PDE3B: variants seen among roughly 807,000 people sequenced by gnomAD.
PDE3B encodes the protein phosphodiesterase 3B, also known as cGMP-inhibited 3',5'-cyclic phosphodiesterase 3B.
A neutral mutation model predicts 116.8 loss-of-function variants in PDE3B; 66 were observed. The ratio of observed to expected loss-of-function variants is 0.56; its 90% CI spans 0.46 to 0.69. The LOEUF is 0.69. Among genes scored for constraint, PDE3B ranks in the 30% least tolerant of loss-of-function variants. The pLI is 0.00. For missense variants in PDE3B, 1,384 were observed against 1,368.1 expected (o/e 1.01, Z -0.18); for synonymous variants, 595 against 533.6 (o/e 1.12, Z -1.59).
chr11:14,733,666 A>T (rs1021657490), intron 1 of PDE3B, among the ~76,000 whole-genome samples: 1 of 152,192 alleles, frequency 6.6e-6, no homozygotes, highest in African/African-American at 2.4e-5. Flanking sequence ...TTTGTACAGG[A>T]TCATTTTGTG....
At chr11:14,792,800 A>C (rs562588861) in intron 4 of PDE3B, among the ~76,000 whole-genome samples, 27 of 152,192 alleles carry the variant, frequency 1.8e-4, no homozygotes, top group Middle Eastern at 3.2e-3. Flanking sequence ...AATAGATCTC[A>C]ACTTCAGTTC....
chr11:14,879,595 T>C, the PDE3B span: 6 of 626,716 alleles, frequency 9.6e-6, no homozygotes, highest in Non-Finnish European at 1.4e-5. Flanking sequence ...GGGCGTTCTA[T>C]TGAAATATAT....
chr11:14,838,557 C>A lies in PDE3B; in HGVS notation c.2320+3462C>A, dbSNP rs1392682352. Among the ~76,000 whole-genome samples the A allele has an allele frequency of 3.3e-5, 5 of 152,164 alleles. No homozygotes were observed. In the East Asian group the frequency reaches 7.7e-4, roughly 23 times the overall value. On this transcript the variant is annotated intron_variant, in intron 11 of 15. Coordinates refer to ENST00000282096, the MANE Select transcript of PDE3B (RefSeq NM_000922.4). Reference sequence around the variant, plus strand: ...TCTCCTTGTGTTGATTGCCTGAAAACCCTGTAATTACCTCACTTGAGATTC... The same window carrying A: ...TCTCCTTGTGTTGATTGCCTGAAAAACCTGTAATTACCTCACTTGAGATTC...
At chr11:14,877,035 T>G (rs894519956), downstream of PDE3B, among the ~76,000 whole-genome samples, 11 of 152,174 alleles carry the variant, frequency 7.2e-5, no homozygotes, top group African/African-American at 1.9e-4. Context: ...TAGAAGTCAT[T>G]GTGTGCACTG....
chr11:14,826,117 G>C (rs1200409695), intron 7 of PDE3B, among the ~76,000 whole-genome samples: 1 of 152,156 alleles, frequency 6.6e-6, no homozygotes, highest in African/African-American at 2.4e-5. Context: ...CACAGCCAAG[G>C]CAGTGTTAAG....
intron 1 of PDE3B, among the ~76,000 whole-genome samples, chr11:14,659,837 G>A (rs569262905): frequency 5.9e-5 from 9 of 152,262 alleles, no homozygotes; most frequent in African/African-American, 1.9e-4. Flanking sequence ...ACCCTGAATA[G>A]ATCTTGATGA....
chr11:14,876,696 G>A (rs1270436897), downstream of PDE3B, among the ~76,000 whole-genome samples: 1 of 152,158 alleles, frequency 6.6e-6, no homozygotes, highest in African/African-American at 2.4e-5. Flanking sequence ...ATCTAAGCTT[G>A]CTTTCTCTGT....
intron 1 of PDE3B, among the ~76,000 whole-genome samples, chr11:14,744,576 TA>T (rs1856857735): frequency 6.6e-6 from 1 of 152,212 alleles, no homozygotes; most frequent in Non-Finnish European, 1.5e-5. Context: ...AAAGATGGAT[TA>T]TTTCATCTAT....
intron 1 of PDE3B, among the ~76,000 whole-genome samples, chr11:14,716,365 G>A (rs1855893038): frequency 1.3e-5 from 2 of 151,818 alleles, no homozygotes; most frequent in South Asian, 4.1e-4. Flanking sequence ...CATTGCCCAG[G>A]CTTGCTTAGG....
At position 14,804,831 on chromosome 11, in the gene PDE3B, A is replaced by G. The variant is rs184331248; in HGVS notation, c.1522+781A>G. On this transcript the variant is annotated intron_variant, in intron 5 of 15. Transcript: ENST00000282096. Reference sequence around the variant, plus strand: ...TACTTCGAATAGAGAACTAGAACACATAGAAAAGAAATGGACAGTCTAGAA... The same window carrying G: ...TACTTCGAATAGAGAACTAGAACACGTAGAAAAGAAATGGACAGTCTAGAA... Among the ~76,000 whole-genome samples the G allele has an allele frequency of 1.2e-3, 189 of 152,314 alleles. 7 individuals carry two copies. Among genetic ancestry groups the G allele is most frequent in the Non-Finnish European group, 4.0e-4 (27 of 68,006 alleles).
In PDE3B at chr11:14,786,492, T is replaced by TG. The variant is rs1365619309; in HGVS notation, c.1087dup (p.Val363GlyfsTer7). The TG allele has an allele frequency of 6.2e-7, 1 of 1,612,084 alleles. No individual in the cohort carries two copies. Among genetic ancestry groups the TG allele is most frequent in the Non-Finnish European group, 8.5e-7 (1 of 1,178,444 alleles). On this transcript the variant is annotated frameshift_variant, in exon 3 of 16. Transcript: ENST00000282096. LOFTEE classifies it high-confidence loss of function. Reference sequence around the variant, plus strand: ...TCAGTGCTAAATGAGGCTCGCAATATGGTGTCAGATCTTCTGACTGATCCA... The same window carrying TG: ...TCAGTGCTAAATGAGGCTCGCAATATGGGTGTCAGATCTTCTGACTGATCCA...
At chr11:14,889,608 A>C in the PDE3B span, among the ~76,000 whole-genome samples, 1 of 152,176 alleles carries the variant, frequency 6.6e-6, no homozygotes, top group Admixed American at 6.5e-5. Context: ...TCTCTCTGTA[A>C]AGAACCATGG....
rs1310421389 is a variant in PDE3B at position 14,759,868 on chromosome 11, T to G, written c.979-12069T>G. The stretch of plus-strand genomic sequence containing the variant: ...GGCTACAGATATTGTTTTAAGTGGT[T>G]TAGAGCTCAGCTTCAGGAGGAGGCT... On this transcript the variant is annotated intron_variant, in intron 1 of 15. Coordinates refer to ENST00000282096, the MANE Select transcript of PDE3B (RefSeq NM_000922.4). Among the ~76,000 whole-genome samples, 7 of 152,146 alleles carry G rather than the reference T, an allele frequency of 4.6e-5. No homozygotes were observed. The East Asian group carries it at 1.4e-3, about 29-fold the overall frequency.
intron 1 of PDE3B, among the ~76,000 whole-genome samples, chr11:14,691,726 T>C (rs1855045955): frequency 6.6e-6 from 1 of 152,116 alleles, no homozygotes; most frequent in African/African-American, 2.4e-5. Context: ...TACGTATATA[T>C]TGTCAGATAG....
At chr11:14,695,126 CA>C (rs1193135341) in intron 1 of PDE3B, among the ~76,000 whole-genome samples, 1 of 152,140 alleles carries the variant, frequency 6.6e-6, no homozygotes, top group South Asian at 2.1e-4. Flanking sequence ...TTTTCAATTT[CA>C]TATTTCTGAC....
chr11:14,854,955 T>A (rs1847822116), intron 12 of PDE3B, among the ~76,000 whole-genome samples: 2 of 152,202 alleles, frequency 1.3e-5, no homozygotes, highest in Admixed American at 1.3e-4. Flanking sequence ...TCTAATTATT[T>A]TTTTTAAAAT....
At chr11:14,851,905 T>G (rs1847761302) in intron 12 of PDE3B, among the ~76,000 whole-genome samples, 1 of 152,224 alleles carries the variant, frequency 6.6e-6, no homozygotes, top group South Asian at 2.1e-4. Flanking sequence ...AATAAAGGTT[T>G]ATTCCTCTGA....
chr11:14,666,042 G>C (rs1272564743), intron 1 of PDE3B, among the ~76,000 whole-genome samples: 1 of 151,910 alleles, frequency 6.6e-6, no homozygotes, highest in African/African-American at 2.4e-5. Context: ...ATACTACAAG[G>C]CTACACTAAC....
intron 1 of PDE3B, among the ~76,000 whole-genome samples, chr11:14,703,554 G>T (rs1237676521): frequency 6.6e-6 from 1 of 151,390 alleles, no homozygotes; most frequent in Non-Finnish European, 1.5e-5. Flanking sequence ...AGTTTATTGA[G>T]AAATTTTTGG....
Sources: gnomAD v4.1 joint callset for allele counts (sites outside exome capture counted in the v4.1 genomes callset) on GRCh38, gnomAD v4.1.1 for gene constraint, MANE v1.5 for transcripts, NCBI Gene and HGNC (gene_info 2026-07-23, HGNC 2026-07-21) for gene names.